The following THSD4 variants were observed in gnomAD, a reference collection of about 807,000 sequenced individuals.
The protein encoded by THSD4 is thrombospondin type 1 domain containing 4, also known as thrombospondin type-1 domain-containing protein 4.
Under a neutral mutation model 119.0 loss-of-function variants are expected in THSD4, and 69 were observed. That is an observed-to-expected ratio of 0.58 (90% confidence interval 0.48 to 0.71). THSD4 has a LOEUF of 0.71. Ranked by LOEUF, THSD4 falls within the 30% of genes least tolerant of loss-of-function variation. THSD4 has a pLI of 0.00. For missense variants in THSD4, 1,393 were observed against 1,391.1 expected (o/e 1.00, Z -0.02); for synonymous variants, 524 against 540.4 (o/e 0.97, Z 0.42).
At chr15:71,504,998 T>C (rs1300302494) in intron 7 of THSD4, among the ~76,000 whole-genome samples, 2 of 152,280 alleles carry the variant, frequency 1.3e-5, no homozygotes, top group East Asian at 3.9e-4. Context: ...TTTTCAGATG[T>C]TTTTCTTTGT....
Position 71,381,071 on chromosome 15 carries a change from C to T in THSD4, c.1016-30616C>T, listed in dbSNP as rs1315995719. Among the ~76,000 whole-genome samples, 3 of 152,214 alleles carry T rather than the reference C, an allele frequency of 2.0e-5. No individual in the cohort carries two copies. The East Asian group carries it at 5.8e-4, about 29-fold the overall frequency. ...GACAAGCCAAACATTGGTTGTAGAC[C>T]ATTTTAGCAAGCTTAGAATAGTCAC... On this transcript the variant is annotated intron_variant, in intron 6 of 17. Coordinates refer to ENST00000261862, the MANE Select transcript of THSD4 (RefSeq NM_024817.3).
chr15:71,360,134 C>A (rs370615981), intron 6 of THSD4, among the ~76,000 whole-genome samples: 3 of 152,072 alleles, frequency 2.0e-5, no homozygotes, highest in African/African-American at 7.2e-5. Flanking sequence ...TTATCTGGCA[C>A]GTGGGGAAGA....
chr15:71,184,858 G>GTTGTT (rs1360114871), intron 3 of THSD4, among the ~76,000 whole-genome samples: 6 of 151,644 alleles, frequency 4.0e-5, no homozygotes, highest in Non-Finnish European at 7.4e-5. Flanking sequence ...GTTTCGTTTT[G>GTTGTT]TTGTTTTGTT....
chr15:71,400,613 C>T (rs575859421), intron 6 of THSD4, among the ~76,000 whole-genome samples: 2 of 152,284 alleles, frequency 1.3e-5, no homozygotes, highest in South Asian at 4.1e-4. Context: ...GTTACTAGAC[C>T]AAATGCTGCA....
chr15:71,506,987 A>G (rs2048199712), intron 7 of THSD4, among the ~76,000 whole-genome samples: 3 of 152,238 alleles, frequency 2.0e-5, no homozygotes, highest in African/African-American at 7.2e-5. Flanking sequence ...GAAAACTTCA[A>G]CAGGACAAAC....
At chr15:71,742,764 G>A (rs1191925250) in intron 11 of THSD4, among the ~76,000 whole-genome samples, 1 of 152,114 alleles carries the variant, frequency 6.6e-6, no homozygotes, top group Non-Finnish European at 1.5e-5. Flanking sequence ...CTCAAGAGTT[G>A]TAGATATGGG....
intron 7 of THSD4, among the ~76,000 whole-genome samples, chr15:71,656,535 A>G (rs2051196452): frequency 6.6e-6 from 1 of 152,208 alleles, no homozygotes; most frequent in Non-Finnish European, 1.5e-5. Context: ...AGCCAGAGTC[A>G]CTTCTAGGCC....
intron 7 of THSD4, among the ~76,000 whole-genome samples, chr15:71,483,550 C>A (rs2047766762): frequency 6.6e-6 from 1 of 151,846 alleles, no homozygotes; most frequent in Non-Finnish European, 1.5e-5. Context: ...ACTTCCACAG[C>A]CTTCGTTCTT....
chr15:71,603,851 G>A (rs1328917274), intron 7 of THSD4, among the ~76,000 whole-genome samples: 1 of 152,202 alleles, frequency 6.6e-6, no homozygotes, highest in Non-Finnish European at 1.5e-5. Flanking sequence ...TTAGGCTGAA[G>A]AGAGAGTGGT....
At chr15:71,729,435 A>G (rs1395734654) in intron 9 of THSD4, 1 of 152,402 alleles carries the variant, frequency 6.6e-6, no homozygotes, top group Non-Finnish European at 1.5e-5. Context: ...GAGATCACCC[A>G]TGAATATACA....
At chr15:71,365,165 G>GTGTGTGTGTGTGTGTC (rs2045943943) in intron 6 of THSD4, among the ~76,000 whole-genome samples, 1 of 149,316 alleles carries the variant, frequency 6.7e-6, no homozygotes. Context: ...GTGTGTGTGT[G>GTGTGTGTGTGTGTGTC]TATGAGAGAG....
intron 6 of THSD4, among the ~76,000 whole-genome samples, chr15:71,396,755 T>C (rs780327226): frequency 6.6e-6 from 1 of 152,224 alleles, no homozygotes; most frequent in Non-Finnish European, 1.5e-5. Flanking sequence ...AATATAACAT[T>C]TTAAGATGTA....
chr15:71,259,286 G>A (rs4777351), intron 6 of THSD4, among the ~76,000 whole-genome samples: 1 of 151,716 alleles, frequency 6.6e-6, no homozygotes, highest in East Asian at 1.9e-4. Flanking sequence ...CTTGCCTAGA[G>A]CCTTCAAAGT....
At chr15:71,628,351 TC>T (rs1433237190) in intron 7 of THSD4, among the ~76,000 whole-genome samples, 1 of 152,166 alleles carries the variant, frequency 6.6e-6, no homozygotes, top group East Asian at 1.9e-4. Context: ...TGTTCACACT[TC>T]CTCATGTTTC....
intron 7 of THSD4, among the ~76,000 whole-genome samples, chr15:71,538,772 C>T (rs995910605): frequency 6.6e-6 from 1 of 152,226 alleles, no homozygotes; most frequent in African/African-American, 2.4e-5. Flanking sequence ...AGAGCAAATA[C>T]TTGAAACAAA....
At chr15:71,604,104 G>A (rs534018820) in intron 7 of THSD4, among the ~76,000 whole-genome samples, 17 of 152,260 alleles carry the variant, frequency 1.1e-4, no homozygotes, top group African/African-American at 3.6e-4. Flanking sequence ...AAAAATAATG[G>A]AGAGGAAAAC....
At chr15:71,341,384 T>G (rs1351151294) in intron 6 of THSD4, 3 of 1,611,898 alleles carry the variant, frequency 1.9e-6, no homozygotes, top group South Asian at 1.1e-5. Context: ...GACCAGAGAA[T>G]CTACATCTAA....
At chr15:71,523,069 C>T (rs1595855052) in intron 7 of THSD4, among the ~76,000 whole-genome samples, 1 of 152,162 alleles carries the variant, frequency 6.6e-6, no homozygotes, top group Admixed American at 6.5e-5. Flanking sequence ...AGTGTTAGCT[C>T]GTGTTGCTTC....
At chr15:71,114,358 C>T (rs927085365), upstream of THSD4, among the ~76,000 whole-genome samples, 2 of 152,104 alleles carry the variant, frequency 1.3e-5, no homozygotes, top group Non-Finnish European at 2.9e-5. Context: ...ATTGTCCTCT[C>T]GGTATACCTG....
Sources: allele counts gnomAD v4.1 joint callset (sites outside exome capture counted in the v4.1 genomes callset), GRCh38; gene constraint gnomAD v4.1.1; transcripts MANE v1.5; gene names NCBI Gene and HGNC (gene_info 2026-07-23, HGNC 2026-07-21).